The following PCDHGB4 variants were observed in gnomAD, a reference collection of about 807,000 sequenced individuals.
The protein encoded by PCDHGB4 is protocadherin gamma-B4.
PCDHGB4 carries 38 observed loss-of-function variants against 60.5 expected under a neutral mutation model. The ratio of observed to expected loss-of-function variants is 0.63; its 90% confidence interval spans 0.48 to 0.82. The LOEUF (loss-of-function observed/expected upper bound fraction) is 0.82, where lower values mean the gene tolerates loss of function less well. Ranked by LOEUF, PCDHGB4 falls within the 40% of genes least tolerant of loss-of-function variation. The pLI, the probability that PCDHGB4 is intolerant of heterozygous loss-of-function variation, is 0.00. For missense variants in PCDHGB4, 1,109 were observed against 1,209.6 expected, an observed-to-expected ratio of 0.92 and a Z score of 1.23; for synonymous variants, 456 against 509.7, an observed-to-expected ratio of 0.89 and a Z score of 1.42.
rs1375121802 is a variant in PCDHGB4 at position 141,432,471 on chromosome 5, G to A, written c.2397+42190G>A. 2 of 1,614,094 alleles carry A rather than the reference G, an allele frequency of 1.2e-6. No homozygotes were observed. Among genetic ancestry groups the A allele is most frequent in the African/African-American group, 2.7e-5 (2 of 74,946 alleles). ...CTGTACCCCGCCCTCCCCACGGACG[G>A]TTCCACTGGCGTGGAGCTGGCTCCC... is the stretch of plus-strand genomic sequence containing the variant. On this transcript the variant is annotated intron_variant, in intron 1 of 3. Coordinates refer to ENST00000519479, the MANE Select transcript of PCDHGB4 (RefSeq NM_003736.4). The surrounding 1 kb of genome is among the most constrained non-coding windows in gnomAD (Gnocchi z 6.0).
intron 1 of PCDHGB4, among the ~76,000 whole-genome samples, chr5:141,456,745 A>T (rs573105679): frequency 6.6e-6 from 1 of 151,920 alleles, no homozygotes; most frequent in South Asian, 2.1e-4. Context: ...CGGGAGCATC[A>T]TGAGGTCAGG....
At position 141,490,591 on chromosome 5, in the gene PCDHGB4, G is replaced by A; in HGVS notation, c.2398-4216G>A. 1 of 1,614,100 alleles carries A rather than the reference G, an allele frequency of 6.2e-7. No homozygotes were observed. Among genetic ancestry groups the A allele is most frequent in the African/African-American group, 1.3e-5 (1 of 75,016 alleles). ...CAACATTTCAGATGTCAATGACAAT[G>A]CACCCCGCTTCAACCAGCAGCTTTA... On this transcript the variant is annotated intron_variant, in intron 1 of 3. Coordinates refer to ENST00000519479, the MANE Select transcript of PCDHGB4 (RefSeq NM_003736.4). This position sits in a 1 kb window ranked among gnomAD's most constrained non-coding sequence, Gnocchi z 5.4.
intron 2 of PCDHGB4, among the ~76,000 whole-genome samples, chr5:141,498,411 C>T (rs747823234): frequency 2.0e-5 from 3 of 152,158 alleles, no homozygotes; most frequent in Non-Finnish European, 4.4e-5. Context: ...TTTCTCTTTG[C>T]TGGCACTGGA....
In PCDHGB4 at chr5:141,388,301, G is replaced by C. The variant is rs1323976869; in HGVS notation, c.417G>C (p.Glu139Asp). The C allele has an allele frequency of 6.2e-7, 1 of 1,613,606 alleles. No individual in the cohort carries two copies. The highest frequency in any genetic ancestry group is 1.3e-5 in the African/African-American group (1 of 74,838). ...CAAAATTCACGCAAAATTCCTTTGAGCTGCAAATAAGTGAGTCTGCACAGC... is the reference window on the plus strand; with the variant it reads ...CAAAATTCACGCAAAATTCCTTTGACCTGCAAATAAGTGAGTCTGCACAGC... ...HTPKFTQNSF[E>D]LQISESAQPG... Residue 139 changes from glutamate to aspartate, a missense_variant, in exon 1 of 4, where the codon GAG becomes GAC. Transcript: ENST00000519479.
intron 1 of PCDHGB4, chr5:141,419,592 T>C (rs1561782617): frequency 6.2e-7 from 1 of 1,611,670 alleles, no homozygotes. Context: ...TTCGACACAG[T>C]GCCGCGGGCC....
At chr5:141,434,843 G>C (rs1302739038) in intron 1 of PCDHGB4, among the ~76,000 whole-genome samples, 2 of 151,746 alleles carry the variant, frequency 1.3e-5, no homozygotes, top group African/African-American at 4.8e-5. Flanking sequence ...TTATAAAGCA[G>C]ACATCAATAA....
intron 1 of PCDHGB4, chr5:141,409,138 A>T: frequency 6.2e-7 from 1 of 1,614,046 alleles, no homozygotes; most frequent in South Asian, 1.1e-5. Context: ...TTGAAGATGT[A>T]GAAAGGTACA....
intron 1 of PCDHGB4, among the ~76,000 whole-genome samples, chr5:141,446,381 T>C (rs1225260527): frequency 1.3e-5 from 2 of 152,248 alleles, no homozygotes; most frequent in Non-Finnish European, 2.9e-5. Flanking sequence ...TAAAGAATGA[T>C]AGATTTAAGA....
In PCDHGB4 at chr5:141,488,647, T is replaced by TG. The variant is rs535492979; in HGVS notation, c.2398-6155dup. ...CTCACCTTAGCAGCATTCAGCAGGA[T>TG]GGGGGAGGGTGGGGGAATACATGGG... On this transcript the variant is annotated intron_variant, in intron 1 of 3. Transcript: ENST00000519479. Among the ~76,000 whole-genome samples, 173 of 152,088 alleles carry TG rather than the reference T, an allele frequency of 1.1e-3. 1 individual carries two copies. Among genetic ancestry groups the TG allele is most frequent in the African/African-American group, 3.9e-3 (160 of 41,492 alleles).
At position 141,414,898 on chromosome 5, in the gene PCDHGB4, G is replaced by A. The variant is rs1369274783; in HGVS notation, c.2397+24617G>A. On this transcript the variant is annotated intron_variant, in intron 1 of 3. Coordinates refer to ENST00000519479, the MANE Select transcript of PCDHGB4 (RefSeq NM_003736.4). ...CCTGTACCCCGCCCTCCCCACAGAC[G>A]GTTCCACAGGCGTGGAGCTGGCGCC... is the stretch of plus-strand genomic sequence containing the variant. 2.5e-6 allele frequency: 4 copies of A among 1,614,190 alleles called. No individual in the cohort carries two copies. Among genetic ancestry groups the A allele is most frequent in the Admixed American group, 1.7e-5 (1 of 60,028 alleles).
intron 1 of PCDHGB4, among the ~76,000 whole-genome samples, chr5:141,406,791 C>T (rs893207613): frequency 2.0e-5 from 3 of 152,182 alleles, no homozygotes; most frequent in Non-Finnish European, 4.4e-5. Context: ...TATATTATTT[C>T]TGGCTCAATT....
intron 1 of PCDHGB4, among the ~76,000 whole-genome samples, chr5:141,443,656 A>G (rs139300845): frequency 1.3e-5 from 2 of 152,374 alleles, no homozygotes; most frequent in East Asian, 3.8e-4. Flanking sequence ...TTAGCATAGC[A>G]TTTTACTGAA....
rs765661515 is a variant in PCDHGB4 at position 141,398,665 on chromosome 5, T to C, written c.2397+8384T>C. The stretch of plus-strand genomic sequence containing the variant: ...ACTCTCTCTTAACCCAAGTTTCTCA[T>C]TAATAATTAAGGAGAAACAGGATGG... On this transcript the variant is annotated intron_variant, in intron 1 of 3. Transcript: ENST00000519479. 1.9e-6 allele frequency: 3 copies of C among 1,614,002 alleles called. No homozygotes were observed. In the South Asian group the frequency reaches 3.3e-5, roughly 18 times the overall value.
At chr5:141,460,882 C>G (rs2098999926) in intron 1 of PCDHGB4, among the ~76,000 whole-genome samples, 1 of 149,600 alleles carries the variant, frequency 6.7e-6, no homozygotes, top group Non-Finnish European at 1.5e-5. Context: ...TTATTTCATG[C>G]CTTTTCGTGG....
rs771867567 is a variant in PCDHGB4 at position 141,419,867 on chromosome 5, G to A, written c.2397+29586G>A. 3.1e-6 allele frequency: 5 copies of A among 1,614,086 alleles called. No homozygotes were observed. In the South Asian group the frequency reaches 5.5e-5, roughly 18 times the overall value. On this transcript the variant is annotated intron_variant, in intron 1 of 3. Transcript: ENST00000519479. Reference sequence around the variant, plus strand: ...CCTGGTGTTCGCAGATAGCTTGCAAGAGGTACTGCCGGATTTCAGCGACCA... The same window carrying A: ...CCTGGTGTTCGCAGATAGCTTGCAAAAGGTACTGCCGGATTTCAGCGACCA...
rs1561869085 is a variant in PCDHGB4, at chr5:141,433,357, GCCTA to G, written c.2397+43077_2397+43080del. On this transcript the variant is annotated intron_variant, in intron 1 of 3. Transcript: ENST00000519479. ...TACAGGTGCAAGCCACCTACTGTCT[GCCTA>G]TCTATCTATCTATCTATCTATCTAT... is the stretch of plus-strand genomic sequence containing the variant. 3 of 568,974 alleles carry G rather than the reference GCCTA, an allele frequency of 5.3e-6. No homozygotes were observed. In the African/African-American group the frequency reaches 6.4e-5, roughly 12 times the overall value. The allele number at this position is 568,974 out of a possible 1,614,324, so 35.2% of individuals were successfully genotyped here.
intron 1 of PCDHGB4, chr5:141,400,533 C>A (rs1416453682): frequency 6.2e-7 from 1 of 1,613,900 alleles, no homozygotes; most frequent in Non-Finnish European, 8.5e-7. Context: ...TGGTGAGTTT[C>A]ATTTATGTCT....
At position 141,398,766 on chromosome 5, in the gene PCDHGB4, T is replaced by A. The variant is rs775055352; in HGVS notation, c.2397+8485T>A. On this transcript the variant is annotated intron_variant, in intron 1 of 3. Coordinates refer to ENST00000519479, the MANE Select transcript of PCDHGB4 (RefSeq NM_003736.4). ...AGAGTTACCATCGTTTAGTCCTGACTGCCTTGGACGGTGGACATCCACCCC... is the reference window on the plus strand; with the variant it reads ...AGAGTTACCATCGTTTAGTCCTGACAGCCTTGGACGGTGGACATCCACCCC... 2.1e-5 allele frequency: 34 copies of A among 1,613,844 alleles called. 1 individual carries two copies. In the South Asian group the frequency reaches 3.1e-4, roughly 15 times the overall value.
At chr5:141,394,299 C>T (rs1420097652) in intron 1 of PCDHGB4, 1 of 1,613,884 alleles carries the variant, frequency 6.2e-7, no homozygotes, top group Non-Finnish European at 8.5e-7. Flanking sequence ...CGAGGACACG[C>T]TGCAGGGGGC....
Sources: allele counts gnomAD v4.1 joint callset (sites outside exome capture counted in the v4.1 genomes callset), GRCh38; gene constraint gnomAD v4.1.1; non-coding constraint Gnocchi (gnomAD v3.1); transcripts MANE v1.5; gene names NCBI Gene and HGNC (gene_info 2026-07-23, HGNC 2026-07-21).